ADARB2: variants seen among roughly 807,000 people sequenced by gnomAD.
ADARB2 encodes the protein inactive double-stranded RNA-specific editase B2.
ADARB2 carries 25 observed loss-of-function variants against 62.2 expected under a neutral mutation model. That is an observed-to-expected ratio of 0.40 (90% CI 0.29 to 0.56). The LOEUF is 0.56. Among genes scored for constraint, ADARB2 ranks in the 20% least tolerant of loss-of-function variants. The probability of loss-of-function intolerance (pLI) is 0.43; values close to 1 mark genes in which losing one functional copy is unlikely to be tolerated. For missense variants in ADARB2, 1,071 were observed against 1,077.4 expected, an observed-to-expected ratio of 0.99 and a Z score of 0.08; for synonymous variants, 572 against 500.8, an observed-to-expected ratio of 1.14 and a Z score of -1.90.
At chr10:1,467,623 G>T (rs1831269049) in intron 1 of ADARB2, among the ~76,000 whole-genome samples, 1 of 152,162 alleles carries the variant, frequency 6.6e-6, no homozygotes, top group South Asian at 2.1e-4. Flanking sequence ...AGCAAAACCA[G>T]CACACACGGA....
In ADARB2 at chr10:1,704,795, A is replaced by G. The variant is rs117635901; in HGVS notation, c.100+32256T>C. On this transcript the variant is annotated intron_variant, in intron 1 of 9. Coordinates refer to ENST00000381312, the MANE Select transcript of ADARB2 (RefSeq NM_018702.4). The surrounding 1 kb of genome is among the most constrained non-coding windows in gnomAD (Gnocchi z 5.6). ...ATGATAAAAAAGCTAGTGTGGGTCA[A>G]GATGTTAAAGGGGCAGGGAGTATTG... Among the ~76,000 whole-genome samples the G allele has an allele frequency of 3.9e-3, 589 of 152,362 alleles. 1 individual carries two copies. Among genetic ancestry groups the G allele is most frequent in the South Asian group, 0.011 (54 of 4,828 alleles).
intron 1 of ADARB2, among the ~76,000 whole-genome samples, chr10:1,579,162 G>A (rs992986321): frequency 6.6e-6 from 1 of 152,218 alleles, no homozygotes; most frequent in Non-Finnish European, 1.5e-5. Context: ...GAGTCAGGCA[G>A]GTGAAGATGC....
Position 1,363,825 on chromosome 10 carries a change from G to T in ADARB2, c.280C>A (p.Pro94Thr). The change falls in exon 3 of 10, where the codon CCC (proline) becomes ACC (threonine). Residue 94 changes from proline to threonine, a missense_variant. Transcript: ENST00000381312. ...PSGDRARGGAPGAKRKRPLEE... is the reference protein window; with the variant it reads ...PSGDRARGGATGAKRKRPLEE... ...AGCGGCCGCTTCCTCTTCGCGCCGG[G>T]CGCGCCGCCCCGGGCCCGGTCCCCG... The T allele has an allele frequency of 1.3e-6, 2 of 1,577,784 alleles. No homozygotes were observed. The highest frequency in any genetic ancestry group is 8.5e-7 in the Non-Finnish European group (1 of 1,169,732).
At chr10:1,246,123 G>A (rs1217029738) in intron 4 of ADARB2, among the ~76,000 whole-genome samples, 3 of 151,952 alleles carry the variant, frequency 2.0e-5, no homozygotes, top group Admixed American at 2.0e-4. Context: ...TCTTTTGGCT[G>A]CATAAATGTC....
intron 1 of ADARB2, among the ~76,000 whole-genome samples, chr10:1,480,245 A>C (rs986223852): frequency 2.0e-5 from 3 of 152,208 alleles, no homozygotes; most frequent in Non-Finnish European, 4.4e-5. Flanking sequence ...AAAAGAATTA[A>C]AATTATCTGT....
At chr10:1,259,292 C>A (rs1387610709) in intron 4 of ADARB2, among the ~76,000 whole-genome samples, 3 of 152,094 alleles carry the variant, frequency 2.0e-5, no homozygotes, top group African/African-American at 7.2e-5. Context: ...CAAGAAATAA[C>A]TAAGATCAGA....
chr10:1,615,498 A>G (rs548516467), intron 1 of ADARB2, among the ~76,000 whole-genome samples: 9 of 152,296 alleles, frequency 5.9e-5, no homozygotes, highest in Admixed American at 5.9e-4. Flanking sequence ...CGGGTGGGGC[A>G]TTGTCCACCC....
chr10:1,403,674 C>A (rs923687757), intron 1 of ADARB2, among the ~76,000 whole-genome samples: 2 of 152,164 alleles, frequency 1.3e-5, no homozygotes, highest in East Asian at 3.9e-4. Flanking sequence ...GATCTGCAGA[C>A]CCCCTAGCTG....
rs181667949 is a variant in ADARB2, at chr10:1,703,479, T to A, written c.100+33572A>T. On this transcript the variant is annotated intron_variant, in intron 1 of 9. Transcript: ENST00000381312. ...AGACAAGAGAAATAGTAGTGTGTGT[T>A]TGAGTAGGCAGGGATGATCCAGCAG... is the stretch of plus-strand genomic sequence containing the variant. Among the ~76,000 whole-genome samples the A allele has an allele frequency of 5.3e-5, 8 of 152,006 alleles. No homozygotes were observed. In the East Asian group the frequency reaches 1.4e-3, roughly 26 times the overall value.
chr10:1,246,939 A>T (rs1830991069), intron 4 of ADARB2, among the ~76,000 whole-genome samples: 1 of 151,848 alleles, frequency 6.6e-6, no homozygotes, highest in African/African-American at 2.4e-5. Flanking sequence ...GGCCATTTTC[A>T]CGATATTGAT....
intron 1 of ADARB2, among the ~76,000 whole-genome samples, chr10:1,510,854 GCTCT>G (rs1831927941): frequency 6.6e-6 from 1 of 151,756 alleles, no homozygotes; most frequent in South Asian, 2.1e-4. Flanking sequence ...CAATTCCAAA[GCTCT>G]CTCTGTCTCT....
At chr10:1,210,453 G>A (rs1405750530) in intron 7 of ADARB2, among the ~76,000 whole-genome samples, 1 of 152,196 alleles carries the variant, frequency 6.6e-6, no homozygotes, top group Non-Finnish European at 1.5e-5. Flanking sequence ...GAGAAAATCT[G>A]TAGGTTTCAC....
At chr10:1,212,260 A>C (rs1589152962) in intron 7 of ADARB2, among the ~76,000 whole-genome samples, 1 of 152,212 alleles carries the variant, frequency 6.6e-6, no homozygotes, top group Non-Finnish European at 1.5e-5. Flanking sequence ...ACGTTATCAG[A>C]TGGTCTCTCT....
At chr10:1,688,957 A>C (rs1834634063) in intron 1 of ADARB2, among the ~76,000 whole-genome samples, 1 of 152,256 alleles carries the variant, frequency 6.6e-6, no homozygotes, top group Admixed American at 6.5e-5. Flanking sequence ...TTGGAAAATA[A>C]GTCATGTTAC....
intron 1 of ADARB2, among the ~76,000 whole-genome samples, chr10:1,641,692 A>C (rs547190213): frequency 3.3e-4 from 51 of 152,266 alleles, no homozygotes; most frequent in Non-Finnish European, 5.9e-4. Context: ...GTCCGTTAAG[A>C]TTATTTCCTT....
chr10:1,301,017 T>A (rs1378029686), intron 3 of ADARB2, among the ~76,000 whole-genome samples: 2 of 152,178 alleles, frequency 1.3e-5, no homozygotes, highest in Non-Finnish European at 2.9e-5. Context: ...CGTGGTGTCA[T>A]CTCCCACTTA....
intron 7 of ADARB2, among the ~76,000 whole-genome samples, chr10:1,206,331 G>A (rs1041292161): frequency 2.0e-5 from 3 of 152,154 alleles, no homozygotes; most frequent in African/African-American, 7.2e-5. Flanking sequence ...TGGGACATGC[G>A]GCGTCTCCTC....
chr10:1,337,612 G>A (rs1406312990), intron 3 of ADARB2, among the ~76,000 whole-genome samples: 1 of 151,876 alleles, frequency 6.6e-6, no homozygotes, highest in Admixed American at 6.6e-5. Context: ...ATGCGCCGGG[G>A]TTACCCATCC....
At chr10:1,700,553 T>A (rs75028061) in intron 1 of ADARB2, among the ~76,000 whole-genome samples, 1 of 1,064 alleles carries the variant, frequency 9.4e-4, no homozygotes, top group Admixed American at 0.026. Flanking sequence ...GCCAATACAC[T>A]CAATCCCACT....
Sources: allele counts gnomAD v4.1 joint callset (sites outside exome capture counted in the v4.1 genomes callset), GRCh38; gene constraint gnomAD v4.1.1; non-coding constraint Gnocchi (gnomAD v3.1); transcripts MANE v1.5; gene names NCBI Gene and HGNC (gene_info 2026-07-23, HGNC 2026-07-21).